LUZP2: variants seen among roughly 807,000 people sequenced by gnomAD.
LUZP2 encodes leucine zipper protein 2.
A neutral mutation model predicts 51.6 loss-of-function variants in LUZP2; 52 were observed. That is an observed-to-expected ratio of 1.01 (90% confidence interval 0.81 to 1.27). LUZP2 has a LOEUF of 1.27. Ranked by LOEUF, LUZP2 falls within the 50% of genes most tolerant of loss-of-function variation. The pLI is 0.00. For synonymous variants in LUZP2, 154 were observed against 137.3 expected (o/e 1.12, Z -0.85); for missense variants, 436 against 395.4 (o/e 1.10, Z -0.87).
intron 5 of LUZP2, among the ~76,000 whole-genome samples, chr11:24,824,375 A>AAAAAAAAAAAAAAAAAAAAG (rs1850460709): frequency 6.9e-6 from 1 of 143,954 alleles, no homozygotes; most frequent in African/African-American, 2.6e-5. Context: ...TCAAAAAAAA[A>AAAAAAAAAAAAAAAAAAAAG]AAAAAAAAAA....
At chr11:24,926,744 G>T (rs1312150121) in intron 7 of LUZP2, among the ~76,000 whole-genome samples, 2 of 150,448 alleles carry the variant, frequency 1.3e-5, no homozygotes, top group African/African-American at 4.9e-5. Flanking sequence ...TTTTCCTGTG[G>T]TTAGATGCCC....
At chr11:24,583,955 G>A (rs1196683365) in intron 1 of LUZP2, among the ~76,000 whole-genome samples, 2 of 151,510 alleles carry the variant, frequency 1.3e-5, no homozygotes, top group African/African-American at 2.4e-5. Flanking sequence ...CTTGTGATCC[G>A]CCGGTCTCGG....
chr11:25,065,125 A>G (rs1342889036), intron 10 of LUZP2, among the ~76,000 whole-genome samples: 1 of 152,010 alleles, frequency 6.6e-6, no homozygotes, highest in East Asian at 1.9e-4. Context: ...TATGCATCTT[A>G]AACTATGGGA....
At chr11:24,511,527 A>T (rs1850311763) in intron 1 of LUZP2, among the ~76,000 whole-genome samples, 1 of 152,198 alleles carries the variant, frequency 6.6e-6, no homozygotes, top group South Asian at 2.1e-4. Flanking sequence ...ATAGGGACAG[A>T]ACTAGGGAAT....
chr11:24,776,215 G>A (rs971240445), intron 5 of LUZP2, among the ~76,000 whole-genome samples: 1 of 152,124 alleles, frequency 6.6e-6, no homozygotes, highest in African/African-American at 2.4e-5. Flanking sequence ...CTTTCCACAT[G>A]TCAGACAAGA....
chr11:24,849,296 A>G (rs1851309948), intron 5 of LUZP2, among the ~76,000 whole-genome samples: 1 of 151,966 alleles, frequency 6.6e-6, no homozygotes. Flanking sequence ...CTACCTATCA[A>G]CAGGCCCCGG....
At chr11:24,964,423 T>G (rs1554946926) in intron 7 of LUZP2, among the ~76,000 whole-genome samples, 1 of 152,156 alleles carries the variant, frequency 6.6e-6, no homozygotes, top group Non-Finnish European at 1.5e-5. Context: ...TTTTTTCACT[T>G]TATACCCAGC....
At chr11:24,969,204 C>A (rs1855677034) in intron 7 of LUZP2, among the ~76,000 whole-genome samples, 1 of 152,070 alleles carries the variant, frequency 6.6e-6, no homozygotes, top group Admixed American at 6.6e-5. Context: ...TTGTTTCCTT[C>A]TTTGTGTTCC....
Position 24,879,958 on chromosome 11 carries a change from G to A in LUZP2, c.397-26033G>A, listed in dbSNP as rs370625547. Among the ~76,000 whole-genome samples the A allele has an allele frequency of 5.9e-5, 9 of 152,264 alleles. No homozygotes were observed. The East Asian group carries it at 1.4e-3, about 23-fold the overall frequency. On this transcript the variant is annotated intron_variant, in intron 5 of 11. Transcript: ENST00000336930. ...CACAAGCACTTTCACAGCTACCCCA[G>A]CTGGTGTCTCAGTATGTCACATGCT...
intron 1 of LUZP2, among the ~76,000 whole-genome samples, chr11:24,606,929 C>G (rs77414204): frequency 6.6e-6 from 1 of 151,754 alleles, no homozygotes; most frequent in African/African-American, 2.4e-5. Flanking sequence ...TATCTATTGG[C>G]CATTTGTATG....
intron 5 of LUZP2, among the ~76,000 whole-genome samples, chr11:24,826,567 G>T (rs1850549242): frequency 6.9e-6 from 1 of 145,084 alleles, no homozygotes; most frequent in Non-Finnish European, 1.5e-5. Flanking sequence ...AGTGTTAAAA[G>T]CACCCTCACC....
At chr11:24,535,230 A>G (rs975881) in intron 1 of LUZP2, among the ~76,000 whole-genome samples, 63,526 of 151,158 alleles carry the variant, frequency 0.42, 13,883 homozygotes, top group African/African-American at 0.52. Context: ...GTTGATGGCT[A>G]TTGACTTATC....
intron 1 of LUZP2, among the ~76,000 whole-genome samples, chr11:24,598,187 A>G (rs1055468125): frequency 5.9e-5 from 9 of 152,062 alleles, no homozygotes; most frequent in African/African-American, 2.2e-4. Flanking sequence ...TGCCCTGTAG[A>G]TGACAGAATT....
At chr11:24,726,409 C>T (rs1181989327) in intron 1 of LUZP2, among the ~76,000 whole-genome samples, 1 of 151,598 alleles carries the variant, frequency 6.6e-6, no homozygotes, top group Admixed American at 6.6e-5. Context: ...GAAACTAACA[C>T]AAAATATCTC....
chr11:24,677,803 AC>A (rs1856612742), intron 1 of LUZP2, among the ~76,000 whole-genome samples: 2 of 152,114 alleles, frequency 1.3e-5, no homozygotes, highest in African/African-American at 4.8e-5. Context: ...TAATCCCAGC[AC>A]TTTGGGAGGC....
chr11:24,504,426 A>G (rs1250089635), intron 1 of LUZP2, among the ~76,000 whole-genome samples: 1 of 152,226 alleles, frequency 6.6e-6, no homozygotes, highest in Non-Finnish European at 1.5e-5. Context: ...ATGGTTGTAG[A>G]ATATTCCACC....
At chr11:24,777,263 A>G (rs973867184) in intron 5 of LUZP2, among the ~76,000 whole-genome samples, 6 of 151,958 alleles carry the variant, frequency 3.9e-5, no homozygotes, top group Non-Finnish European at 5.9e-5. Context: ...AAAGTGCTGG[A>G]ATTACAGGCT....
intron 1 of LUZP2, among the ~76,000 whole-genome samples, chr11:24,534,783 A>C (rs1184444617): frequency 6.6e-6 from 1 of 151,498 alleles, no homozygotes; most frequent in Non-Finnish European, 1.5e-5. Flanking sequence ...GACCTTCTTT[A>C]GTTGTTTTGA....
At chr11:24,726,776 C>T (rs1481570322) in intron 1 of LUZP2, among the ~76,000 whole-genome samples, 1 of 151,948 alleles carries the variant, frequency 6.6e-6, no homozygotes, top group Admixed American at 6.6e-5. Context: ...AGTTACAGAA[C>T]CTGAGTGTAG....
Sources: allele counts gnomAD v4.1 joint callset (sites outside exome capture counted in the v4.1 genomes callset), GRCh38; gene constraint gnomAD v4.1.1; transcripts MANE v1.5; gene names NCBI Gene and HGNC (gene_info 2026-07-23, HGNC 2026-07-21).